The following DLG2 variants were observed in gnomAD, a reference collection of about 807,000 sequenced individuals.
DLG2 encodes the protein disks large homolog 2.
DLG2 carries 45 observed loss-of-function variants against 132.5 expected under a neutral mutation model. The observed-to-expected ratio is 0.34, with a 90% CI of 0.27 to 0.44. The LOEUF (loss-of-function observed/expected upper bound fraction) is 0.44, where lower values mean the gene tolerates loss of function less well. Among genes scored for constraint, DLG2 ranks in the 20% least tolerant of loss-of-function variants. DLG2 has a pLI of 1.00. For missense variants in DLG2, 1,045 were observed against 1,196.9 expected (o/e 0.87, Z 1.87); for synonymous variants, 424 against 419.6 (o/e 1.01, Z -0.13).
intron 10 of DLG2, among the ~76,000 whole-genome samples, chr11:84,092,760 G>T (rs2097111080): frequency 6.6e-6 from 1 of 152,080 alleles, no homozygotes; most frequent in Non-Finnish European, 1.5e-5. Flanking sequence ...CAAACCGGCT[G>T]GGTACGGTGG....
chr11:84,936,130 A>G (rs7935221), intron 6 of DLG2, among the ~76,000 whole-genome samples: 107,388 of 152,124 alleles, frequency 0.71, 39,131 homozygotes, highest in East Asian at 0.95. Flanking sequence ...TGAAGCTGTT[A>G]CCTAGAAAGA....
intron 8 of DLG2, among the ~76,000 whole-genome samples, chr11:84,201,436 G>C (rs1273071277): frequency 6.6e-6 from 1 of 152,096 alleles, no homozygotes; most frequent in Non-Finnish European, 1.5e-5. Context: ...GCCACATTTT[G>C]GTATCAGGAT....
intron 15 of DLG2, among the ~76,000 whole-genome samples, chr11:83,896,293 G>T (rs1253206429): frequency 2.0e-5 from 3 of 152,200 alleles, no homozygotes; most frequent in Admixed American, 1.3e-4. Flanking sequence ...AGCCATAAAA[G>T]TTACAGAGGT....
intron 7 of DLG2, among the ~76,000 whole-genome samples, chr11:84,395,535 A>G (rs1010291321): frequency 3.3e-5 from 5 of 152,068 alleles, no homozygotes; most frequent in African/African-American, 1.2e-4. Context: ...TCCCACCTCC[A>G]GCCTCTTGAG....
chr11:83,606,974 A>G (rs1460195257), intron 19 of DLG2, among the ~76,000 whole-genome samples: 1 of 152,230 alleles, frequency 6.6e-6, no homozygotes, highest in East Asian at 1.9e-4. Context: ...AATTAAATTT[A>G]AAGGAGTTTA....
intron 18 of DLG2, among the ~76,000 whole-genome samples, chr11:83,767,115 C>T (rs2094176804): frequency 6.6e-6 from 1 of 152,196 alleles, no homozygotes; most frequent in Admixed American, 6.5e-5. Context: ...AATTTCGTCA[C>T]ATCTGAAAAG....
chr11:84,441,293 C>G (rs1011178713), intron 7 of DLG2, among the ~76,000 whole-genome samples: 5 of 151,950 alleles, frequency 3.3e-5, no homozygotes, highest in African/African-American at 4.8e-5. Flanking sequence ...ACAGTAGGCA[C>G]ATACCATCAT....
chr11:84,138,948 C>CAA (rs5793107), intron 9 of DLG2, among the ~76,000 whole-genome samples: 22 of 91,958 alleles, frequency 2.4e-4, no homozygotes, highest in African/African-American at 6.7e-4. Flanking sequence ...GACTCCATCT[C>CAA]AAAAAAAAAA....
intron 3 of DLG2, among the ~76,000 whole-genome samples, chr11:85,432,653 C>T (rs1320143484): frequency 6.6e-6 from 1 of 151,946 alleles, no homozygotes; most frequent in Non-Finnish European, 1.5e-5. Flanking sequence ...CCAAACCTCC[C>T]AGAAATACGG....
chr11:85,140,909 G>A (rs928834626), intron 5 of DLG2, among the ~76,000 whole-genome samples: 1 of 151,804 alleles, frequency 6.6e-6, no homozygotes, highest in African/African-American at 2.4e-5. Context: ...CAAATGATAG[G>A]AGTTCATTCT....
chr11:85,156,007 C>G (rs1316529481), intron 4 of DLG2, among the ~76,000 whole-genome samples: 1 of 152,166 alleles, frequency 6.6e-6, no homozygotes, highest in Non-Finnish European at 1.5e-5. Context: ...CAGTCGGCCT[C>G]AGTTTCTAAG....
chr11:84,123,654 G>A (rs114183295), intron 9 of DLG2, among the ~76,000 whole-genome samples: 2,347 of 152,256 alleles, frequency 0.015, 56 homozygotes, highest in African/African-American at 0.053. Flanking sequence ...TACTTCAGAA[G>A]AAGTGCTCCA....
intron 6 of DLG2, among the ~76,000 whole-genome samples, chr11:85,068,413 G>A (rs2065263233): frequency 6.6e-6 from 1 of 152,114 alleles, no homozygotes; most frequent in South Asian, 2.1e-4. Context: ...CATAGTCTCA[G>A]CCCAAAATCT....
chr11:85,602,944 T>C (rs2080272824), intron 2 of DLG2, among the ~76,000 whole-genome samples: 1 of 152,150 alleles, frequency 6.6e-6, no homozygotes, highest in African/African-American at 2.4e-5. Flanking sequence ...AATACTCCTA[T>C]ATAACATAGC....
chr11:84,372,921 G>A (rs1358412790), intron 7 of DLG2, among the ~76,000 whole-genome samples: 1 of 152,018 alleles, frequency 6.6e-6, no homozygotes, highest in African/African-American at 2.4e-5. Context: ...CTCATTGAGA[G>A]AGACAATCAC....
intron 6 of DLG2, among the ~76,000 whole-genome samples, chr11:85,020,124 C>T (rs1306023611): frequency 6.6e-6 from 1 of 152,176 alleles, no homozygotes; most frequent in Non-Finnish European, 1.5e-5. Context: ...TCCTCTCCAG[C>T]ACCTGTTGTT....
chr11:83,486,200 C>T, intron 21 of DLG2: 1 of 682,468 alleles, frequency 1.5e-6, no homozygotes, highest in South Asian at 1.6e-5. Context: ...ATTCTTGCAT[C>T]ACTCCAGTTT....
intron 6 of DLG2, among the ~76,000 whole-genome samples, chr11:84,641,404 G>A (rs2099664127): frequency 6.6e-6 from 1 of 152,186 alleles, no homozygotes; most frequent in Admixed American, 6.5e-5. Context: ...CTTCAGAGAT[G>A]TCCTTCTCAG....
chr11:84,748,785 A>G (rs1187159165), intron 6 of DLG2, among the ~76,000 whole-genome samples: 1 of 152,172 alleles, frequency 6.6e-6, no homozygotes, highest in Non-Finnish European at 1.5e-5. Flanking sequence ...CTTTTAAAAT[A>G]CTTGGCTACT....
Sources: gnomAD v4.1 joint callset for allele counts (sites outside exome capture counted in the v4.1 genomes callset) on GRCh38, gnomAD v4.1.1 for gene constraint, MANE v1.5 for transcripts, NCBI Gene and HGNC (gene_info 2026-07-23, HGNC 2026-07-21) for gene names.